COL23A1: variants seen among roughly 807,000 people sequenced by gnomAD.
The protein encoded by COL23A1 is collagen type XXIII alpha 1 chain.
A neutral mutation model predicts 99.3 loss-of-function variants in COL23A1; 97 were observed. That is an observed-to-expected ratio of 0.98 (90% CI 0.83 to 1.16). The LOEUF is 1.16. COL23A1 is among the 50% of genes most tolerant of loss of function. The pLI is 0.00. For synonymous variants in COL23A1, 320 were observed against 308.2 expected (o/e 1.04, Z -0.40); for missense variants, 762 against 757.4 (o/e 1.01, Z -0.07).
At position 178,366,077 on chromosome 5, in the gene COL23A1, T is replaced by C. The variant is rs1370400663; in HGVS notation, c.362-59158A>G. On this transcript the variant is annotated intron_variant, in intron 2 of 28. Transcript: ENST00000390654. The surrounding 1 kb of genome is among the most constrained non-coding windows in gnomAD (Gnocchi z 4.4). ...CCAGTGCCAGGTGATCATCTGCCGC[T>C]GTGTCCTCAGCATCTGGCCCAGCCC... 6.6e-6 allele frequency among the ~76,000 whole-genome samples: 1 copy of C among 152,188 alleles called. No homozygotes were observed. Among genetic ancestry groups the C allele is most frequent in the Non-Finnish European group, 1.5e-5 (1 of 68,016 alleles).
intron 2 of COL23A1, among the ~76,000 whole-genome samples, chr5:178,505,502 C>T (rs1758816859): frequency 6.6e-6 from 1 of 152,244 alleles, no homozygotes; most frequent in South Asian, 2.1e-4. Context: ...CCGCCCACCT[C>T]AGCCTCCCAA....
chr5:178,425,098 C>T (rs1051051852), intron 2 of COL23A1, among the ~76,000 whole-genome samples: 2 of 152,300 alleles, frequency 1.3e-5, no homozygotes, highest in East Asian at 1.9e-4. Flanking sequence ...CGGAGAAAAA[C>T]GCAAAGCAGC....
chr5:178,259,766 G>C lies in COL23A1; in HGVS notation c.703-19C>G, dbSNP rs1367160759. The C allele has an allele frequency of 6.3e-7, 1 of 1,598,972 alleles. No individual in the cohort carries two copies. The highest frequency in any genetic ancestry group is 8.5e-7 in the Non-Finnish European group (1 of 1,170,822). On this transcript the variant is annotated intron_variant, in intron 11 of 28. Coordinates refer to ENST00000390654, the MANE Select transcript of COL23A1 (RefSeq NM_173465.4). ...GCTCACCCTGGGGGAGGCAATGGGGGGTTCAAGAGCAAGGTCAAAACCATA... is the reference window on the plus strand; with the variant it reads ...GCTCACCCTGGGGGAGGCAATGGGGCGTTCAAGAGCAAGGTCAAAACCATA...
At chr5:178,323,931 T>C (rs1759491528) in intron 2 of COL23A1, among the ~76,000 whole-genome samples, 1 of 152,186 alleles carries the variant, frequency 6.6e-6, no homozygotes, top group Admixed American at 6.5e-5. Flanking sequence ...AGCTGGTATG[T>C]GGCAGAGCTG....
chr5:178,292,156 TAC>T (rs1193515008), intron 3 of COL23A1, among the ~76,000 whole-genome samples: 3 of 152,098 alleles, frequency 2.0e-5, no homozygotes, highest in Non-Finnish European at 2.9e-5. Flanking sequence ...ACTATGCCTA[TAC>T]CTGTACCTGC....
At position 178,247,246 on chromosome 5, in the gene COL23A1, T is replaced by C. The variant is rs73336889; in HGVS notation, c.1296+280A>G. 2.1e-3 allele frequency among the ~76,000 whole-genome samples: 326 copies of C among 151,730 alleles called. 2 individuals are homozygous for C. Among genetic ancestry groups the C allele is most frequent in the African/African-American group, 7.4e-3 (307 of 41,336 alleles). ...AGACAAAGGAGAAGGGGACAAGCAG[T>C]GGAAACGGTGGTGGACCTGAGGAGG... is the stretch of plus-strand genomic sequence containing the variant. On this transcript the variant is annotated intron_variant, in intron 22 of 28. Transcript: ENST00000390654.
Position 178,358,320 on chromosome 5 carries a change from GTA to G in COL23A1, c.362-51403_362-51402del, listed in dbSNP as rs1053616698. 7.0e-4 allele frequency among the ~76,000 whole-genome samples: 104 copies of G among 148,832 alleles called. 2 individuals are homozygous for G. Among genetic ancestry groups the G allele is most frequent in the South Asian group, 2.1e-3 (10 of 4,676 alleles). On this transcript the variant is annotated intron_variant, in intron 2 of 28. Transcript: ENST00000390654. ...TGTATGTATGTATGTGTGTGTATGT[GTA>G]TGTGTATGTATGTCTAATGTGTGTA...
chr5:178,244,315 G>A (rs1764561085), intron 25 of COL23A1, among the ~76,000 whole-genome samples: 1 of 152,074 alleles, frequency 6.6e-6, no homozygotes, highest in Non-Finnish European at 1.5e-5. Context: ...TAAAGTCTAG[G>A]GTGGGCACCA....
intron 2 of COL23A1, among the ~76,000 whole-genome samples, chr5:178,540,633 G>T: frequency 6.6e-6 from 1 of 152,316 alleles, no homozygotes; most frequent in East Asian, 1.9e-4. Context: ...CAAAATCTCA[G>T]CAGGGTGGCT....
chr5:178,299,261 C>G (rs1348718392), intron 3 of COL23A1, among the ~76,000 whole-genome samples: 18 of 152,190 alleles, frequency 1.2e-4, no homozygotes, highest in Non-Finnish European at 2.9e-5. Flanking sequence ...TAGAATTCAT[C>G]AGTGAAGCCA....
Position 178,247,526 on chromosome 5 carries a change from C to T in COL23A1, c.1296G>A (p.Lys432=), listed in dbSNP as rs1349276384. The T allele has an allele frequency of 1.2e-6, 2 of 1,614,130 alleles. No individual in the cohort carries two copies. The highest frequency in any genetic ancestry group is 1.1e-5 in the South Asian group (1 of 91,084). ...PMGLQGIQGP[K]GLDGAKGEKG... ...AGTAGAGGGGTCTGTGCCCACTCAC[C>T]TTGGGACCCTGGATTCCCTGGAGGC... Residue 432 remains lysine, a splice_region_variant and synonymous_variant, in exon 22 of 29, where the codon AAG becomes AAA. Transcript: ENST00000390654.
chr5:178,447,098 A>ATT (rs398065445), intron 2 of COL23A1, among the ~76,000 whole-genome samples: 3 of 148,156 alleles, frequency 2.0e-5, no homozygotes, highest in African/African-American at 4.9e-5. Flanking sequence ...TTTTATTATT[A>ATT]TTTTTTTTTT....
chr5:178,498,255 TA>T (rs1758333668), intron 2 of COL23A1, among the ~76,000 whole-genome samples: 1 of 70,936 alleles, frequency 1.4e-5, no homozygotes, highest in Non-Finnish European at 2.9e-5. Context: ...TATATATATA[TA>T]TAAAAGAACT....
intron 2 of COL23A1, among the ~76,000 whole-genome samples, chr5:178,402,751 A>C (rs1487582411): frequency 6.6e-6 from 1 of 152,034 alleles, no homozygotes; most frequent in Non-Finnish European, 1.5e-5. Context: ...TATATATTTA[A>C]GGTGATGGAT....
At chr5:178,263,117 A>C in intron 9 of COL23A1, 91 bp downstream of exon 9, 5 of 927,010 alleles carry the variant, frequency 5.4e-6, no homozygotes, top group East Asian at 2.4e-5. Flanking sequence ...GGTCTGCACT[A>C]GAGATGGGGA....
At chr5:178,337,093 G>A (rs1393684775) in intron 2 of COL23A1, among the ~76,000 whole-genome samples, 2 of 152,244 alleles carry the variant, frequency 1.3e-5, no homozygotes, top group South Asian at 2.1e-4. Flanking sequence ...ATGGGAGGGG[G>A]GCCTGCGGAG....
chr5:178,272,002 G>A (rs1265767105), intron 5 of COL23A1, among the ~76,000 whole-genome samples: 6 of 152,202 alleles, frequency 3.9e-5, no homozygotes, highest in African/African-American at 1.2e-4. Context: ...GGCTGAGGAC[G>A]GACTCCCAGG....
chr5:178,431,450 G>C (rs186572011), intron 2 of COL23A1, among the ~76,000 whole-genome samples: 22 of 152,324 alleles, frequency 1.4e-4, no homozygotes, highest in African/African-American at 5.3e-4. Context: ...CCTTCTGTGG[G>C]AACAGAAACT....
intron 1 of COL23A1, among the ~76,000 whole-genome samples, chr5:178,577,117 C>T (rs978493852): frequency 1.4e-4 from 22 of 152,208 alleles, no homozygotes; most frequent in African/African-American, 4.3e-4. Flanking sequence ...CCCCGGCGCT[C>T]CTCGCTCAGC....
Sources: gnomAD v4.1 joint callset for allele counts (sites outside exome capture counted in the v4.1 genomes callset) on GRCh38, gnomAD v4.1.1 for gene constraint, Gnocchi (gnomAD v3.1) non-coding constraint, MANE v1.5 for transcripts, NCBI Gene and HGNC (gene_info 2026-07-23, HGNC 2026-07-21) for gene names.